Variants in GANC observed in about 807,000 individuals in gnomAD.
The protein encoded by GANC is glucosidase alpha, neutral C.
GANC carries 117 observed loss-of-function variants against 124.2 expected under a neutral mutation model. The ratio of observed to expected loss-of-function variants is 0.94; its 90% CI spans 0.81 to 1.10. The LOEUF (loss-of-function observed/expected upper bound fraction) is 1.10. Ranked by LOEUF, GANC falls within the 50% of genes least tolerant of loss-of-function variation. GANC has a pLI of 0.00. For missense variants in GANC, 1,140 were observed against 1,095.0 expected (o/e 1.04, Z -0.58); for synonymous variants, 377 against 376.8 (o/e 1.00, Z -0.01).
intron 23 of GANC, 110 bp downstream of exon 23, chr15:42,351,542 C>G (rs1457633140): frequency 1.3e-6 from 1 of 749,940 alleles, no homozygotes. Flanking sequence ...TGAGTGTGTG[C>G]TTTCAGGTAG....
chr15:42,311,378 C>CTA (rs2052048215), intron 10 of GANC, among the ~76,000 whole-genome samples: 1 of 151,824 alleles, frequency 6.6e-6, no homozygotes, highest in East Asian at 1.9e-4. Context: ...TGATATGATC[C>CTA]TATATATAGA....
chr15:42,291,018 C>A (rs1046624163), intron 4 of GANC, among the ~76,000 whole-genome samples: 6 of 151,990 alleles, frequency 3.9e-5, no homozygotes, highest in Non-Finnish European at 8.8e-5. Context: ...TTCCAATTCT[C>A]CTGTGCCCGA....
chr15:42,289,274 A>G (rs2051819911), intron 4 of GANC, among the ~76,000 whole-genome samples: 1 of 152,218 alleles, frequency 6.6e-6, no homozygotes, highest in Non-Finnish European at 1.5e-5. Context: ...TGGCACCTGT[A>G]GAGTGGCTCT....
At position 42,308,374 on chromosome 15, in the gene GANC, T is replaced by A. The variant is rs1163825989; in HGVS notation, c.722+56T>A. 2.6e-6 allele frequency: 3 copies of A among 1,166,228 alleles called. No homozygotes were observed. In the East Asian group the frequency reaches 7.1e-5, roughly 28 times the overall value. 72.2% of individuals were successfully genotyped at this position (1,166,228 alleles called of 1,614,324 possible). A position where few individuals can be genotyped will look rare whatever the true frequency, so the allele number is the denominator to read the frequency against. ...CTCTGGTTTTTGTATTGAGATGATCTGAAAACATTTGTGAGCTGTCTGAGC... is the reference window on the plus strand; with the variant it reads ...CTCTGGTTTTTGTATTGAGATGATCAGAAAACATTTGTGAGCTGTCTGAGC... On this transcript the variant is annotated intron_variant, in intron 8 of 23. Coordinates refer to ENST00000318010, the MANE Select transcript of GANC (RefSeq NM_198141.3).
chr15:42,348,230 C>G lies in GANC; in HGVS notation c.2418+14C>G, dbSNP rs1373312762. 1 of 1,513,640 alleles carries G rather than the reference C, an allele frequency of 6.6e-7. No homozygotes were observed. The highest frequency in any genetic ancestry group is 9.2e-7 in the Non-Finnish European group (1 of 1,091,622). 93.8% of individuals were successfully genotyped at this position (1,513,640 alleles called of 1,614,324 possible). A position where few individuals can be genotyped will look rare whatever the true frequency, so the allele number is the denominator to read the frequency against. ...CTAAGCACTAAGGTATTTGGTAAAT[C>G]TGTTACTCATTTTGTTTCTACTCTT... is the stretch of plus-strand genomic sequence containing the variant. On this transcript the variant is annotated intron_variant, in intron 21 of 23. Coordinates refer to ENST00000318010, the MANE Select transcript of GANC (RefSeq NM_198141.3).
intron 7 of GANC, 124 bp downstream of exon 7, chr15:42,306,736 C>G (rs1045232895): frequency 4.7e-6 from 3 of 633,720 alleles, no homozygotes; most frequent in Non-Finnish European, 8.3e-6. Context: ...ACAGAAATCC[C>G]AGATCAGATT....
chr15:42,345,817 A>T lies in GANC; in HGVS notation c.2289A>T (p.Pro763=). The T allele has an allele frequency of 2.5e-6, 4 of 1,609,860 alleles. No homozygotes were observed. The highest frequency in any genetic ancestry group is 1.1e-5 in the South Asian group (1 of 90,956). The change falls in exon 20 of 24, where the codon CCA becomes CCT. Residue 763 remains proline, a synonymous_variant. Coordinates refer to ENST00000318010, the MANE Select transcript of GANC (RefSeq NM_198141.3). ...AAGGAGGGTGTACTGTAAAGATCCC[A>T]GTAGCCTTGGACACTGTAAGTTATT... ...HWEGGCTVKI[P]VALDTIPVFQ...
rs2052453502 is a variant in GANC, at chr15:42,352,312, A to AT, written c.*177dup. ...TAGATTTCATGTTTCAAAATTTCAG[A>AT]TTTTACATGTTAAGATGTACTAACA... On this transcript the variant is annotated 3_prime_UTR_variant, in exon 24 of 24. Coordinates refer to ENST00000318010, the MANE Select transcript of GANC (RefSeq NM_198141.3). The AT allele has an allele frequency of 3.5e-6, 5 of 1,420,974 alleles. No homozygotes were observed. In the South Asian group the frequency reaches 7.6e-5, roughly 22 times the overall value. 88.0% of individuals were successfully genotyped at this position (1,420,974 alleles called of 1,614,324 possible). A position where few individuals can be genotyped will look rare whatever the true frequency, so the allele number is the denominator to read the frequency against.
chr15:42,352,415 T>C lies in GANC; in HGVS notation c.*276T>C, dbSNP rs192099499. 8.6e-7 allele frequency: 1 copy of C among 1,161,266 alleles called. No homozygotes were observed. The highest frequency in any genetic ancestry group is 1.1e-6 in the Non-Finnish European group (1 of 934,814). 71.9% of individuals were successfully genotyped at this position (1,161,266 alleles called of 1,614,324 possible). On this transcript the variant is annotated 3_prime_UTR_variant, in exon 24 of 24. Coordinates refer to ENST00000318010, the MANE Select transcript of GANC (RefSeq NM_198141.3). ...ATTTATAGCGTTCAGGAGTCTTCTA[T>C]TGCTTCCATTCCTTCAGCAGGGCTG...
chr15:42,326,113 T>C (rs1253842798), intron 11 of GANC, among the ~76,000 whole-genome samples, 185 bp from the exon 12 acceptor site: 1 of 152,276 alleles, frequency 6.6e-6, no homozygotes, highest in Admixed American at 6.5e-5. Context: ...TGAAAGGTTA[T>C]AGGGTTTTAC....
intron 15 of GANC, 97 bp downstream of exon 15, chr15:42,330,769 CCTTT>C: frequency 1.6e-5 from 6 of 365,340 alleles, no homozygotes; most frequent in South Asian, 9.2e-5. Context: ...CCTTCCTTTT[CCTTT>C]TTTTTTTTTT....
chr15:42,296,893 A>G (rs1163323134), intron 5 of GANC, among the ~76,000 whole-genome samples: 1 of 139,128 alleles, frequency 7.2e-6, no homozygotes, highest in Non-Finnish European at 1.5e-5. Flanking sequence ...TATGTTGCCC[A>G]TTAAATGTAT....
At chr15:42,274,712 G>A (rs1314754760) in intron 1 of GANC, among the ~76,000 whole-genome samples, 4 of 152,082 alleles carry the variant, frequency 2.6e-5, no homozygotes, top group Non-Finnish European at 4.4e-5. Flanking sequence ...AGTGGCTCAC[G>A]CAGGTAATCC....
chr15:42,310,366 C>T lies in GANC; in HGVS notation c.806C>T (p.Pro269Leu), dbSNP rs779906285. The change falls in exon 9 of 24, where the codon CCT becomes CTT. Residue 269 changes from proline to leucine, a missense_variant. Coordinates refer to ENST00000318010, the MANE Select transcript of GANC (RefSeq NM_198141.3). The stretch of plus-strand genomic sequence containing the variant: ...AAAATGGGCATTTATGGTTCAGTAC[C>T]TTATCTCCTGGCCCACAAACTGGGC... ...YDKMGIYGSV[P>L]YLLAHKLGRT... 1.2e-6 allele frequency: 2 copies of T among 1,613,766 alleles called. No homozygotes were observed. Among genetic ancestry groups the T allele is most frequent in the East Asian group, 2.2e-5 (1 of 44,878 alleles).
chr15:42,273,545 TCA>T lies in GANC; in HGVS notation c.-936_-935del, dbSNP rs762737989. 478 of 1,365,360 alleles carry T rather than the reference TCA, an allele frequency of 3.5e-4. No homozygotes were observed. The highest frequency in any genetic ancestry group is 4.5e-4 in the Non-Finnish European group (460 of 1,021,138). The allele number at this position is 1,365,360 out of a possible 1,614,324, so 84.6% of individuals were successfully genotyped here. On this transcript the variant is annotated 5_prime_UTR_variant, in exon 1 of 24. Coordinates refer to ENST00000318010, the MANE Select transcript of GANC (RefSeq NM_198141.3). Reference sequence around the variant, plus strand: ...GCTGTGCGGCGTAGCGGCCCCTCTCTCAGACAGTCGTCTGTGCGCCGTGAGAC... The same window carrying T: ...GCTGTGCGGCGTAGCGGCCCCTCTCTGACAGTCGTCTGTGCGCCGTGAGAC...
intron 3 of GANC, among the ~76,000 whole-genome samples, chr15:42,286,141 A>G (rs933836201): frequency 3.3e-5 from 5 of 152,028 alleles, no homozygotes; most frequent in Non-Finnish European, 7.4e-5. Flanking sequence ...GTTCTTGCCC[A>G]TTTTTGCCTA....
rs368687218 is a variant in GANC at position 42,338,484 on chromosome 15, T to A, written c.1837T>A (p.Cys613Ser). Residue 613 changes from cysteine to serine, a missense_variant, in exon 16 of 24, where the codon TGC becomes AGC. Transcript: ENST00000318010. The part of the protein sequence containing the change: ...LTLSITGISF[C>S]GADIGGFIGN... The stretch of plus-strand genomic sequence containing the variant: ...TCTCAGCATTACTGGGATCTCTTTT[T>A]GCGGAGGTAAGATGAGTCCTTTGAG... 1.7e-4 allele frequency: 276 copies of A among 1,610,890 alleles called. No homozygotes were observed. The highest frequency in any genetic ancestry group is 2.2e-4 in the Non-Finnish European group (261 of 1,177,070).
intron 3 of GANC, among the ~76,000 whole-genome samples, chr15:42,279,384 G>A (rs112121367): frequency 0.06 from 9,136 of 152,248 alleles, 387 homozygotes; most frequent in South Asian, 0.16. Flanking sequence ...AGGTGGGCCA[G>A]GGGGAACAGG....
At chr15:42,285,164 A>G (rs1024131015) in intron 3 of GANC, among the ~76,000 whole-genome samples, 22 of 152,186 alleles carry the variant, frequency 1.4e-4, no homozygotes, top group Non-Finnish European at 2.2e-4. Context: ...TCATGTCCAA[A>G]CTTTTTGAAA....
Sources: gnomAD v4.1 joint callset for allele counts (sites outside exome capture counted in the v4.1 genomes callset) on GRCh38, gnomAD v4.1.1 for gene constraint, MANE v1.5 for transcripts, NCBI Gene and HGNC (gene_info 2026-07-23, HGNC 2026-07-21) for gene names.